The following LRRTM4 variants were observed in gnomAD, a reference collection of about 807,000 sequenced individuals.
LRRTM4 encodes leucine rich repeat transmembrane neuronal 4.
A neutral mutation model predicts 47.6 loss-of-function variants in LRRTM4; 25 were observed. The ratio of observed to expected loss-of-function variants is 0.53; its 90% CI spans 0.38 to 0.73. The LOEUF is 0.73. Ranked by LOEUF, LRRTM4 falls within the 30% of genes least tolerant of loss-of-function variation. The probability of loss-of-function intolerance (pLI) is 0.00; values close to 1 mark genes in which losing one functional copy is unlikely to be tolerated. For missense variants in LRRTM4, 638 were observed against 713.4 expected, an observed-to-expected ratio of 0.89 and a Z score of 1.20; for synonymous variants, 311 against 269.5, an observed-to-expected ratio of 1.15 and a Z score of -1.51.
chr2:76,907,297 G>A (rs1673878747), intron 3 of LRRTM4, among the ~76,000 whole-genome samples: 1 of 149,100 alleles, frequency 6.7e-6, no homozygotes, highest in Admixed American at 6.7e-5. Context: ...GAAACCACGA[G>A]AACAAAGACA....
intron 3 of LRRTM4, among the ~76,000 whole-genome samples, chr2:77,179,617 T>A (rs2103853558): frequency 6.6e-6 from 1 of 152,258 alleles, no homozygotes; most frequent in African/African-American, 2.4e-5. Flanking sequence ...CTGATTTATG[T>A]CAGATTTTAC....
intron 3 of LRRTM4, among the ~76,000 whole-genome samples, chr2:77,183,407 C>T (rs927637628): frequency 1.1e-4 from 16 of 151,986 alleles, no homozygotes; most frequent in Admixed American, 4.6e-4. Flanking sequence ...GTTAGAATGG[C>T]GATCATTAAA....
chr2:77,352,932 C>T (rs373992770), intron 3 of LRRTM4, among the ~76,000 whole-genome samples: 1 of 151,832 alleles, frequency 6.6e-6, no homozygotes, highest in East Asian at 1.9e-4. Flanking sequence ...ACATATTTGT[C>T]CTTATGAATA....
At chr2:76,862,640 C>T (rs113590761) in intron 3 of LRRTM4, among the ~76,000 whole-genome samples, 159 of 152,304 alleles carry the variant, frequency 1.0e-3, no homozygotes, top group African/African-American at 3.4e-3. Flanking sequence ...CGCGTGCGCG[C>T]GCACACACAC....
At chr2:77,238,656 C>T (rs1204188497) in intron 3 of LRRTM4, among the ~76,000 whole-genome samples, 3 of 151,946 alleles carry the variant, frequency 2.0e-5, no homozygotes, top group Admixed American at 6.6e-5. Context: ...ACATTGTATT[C>T]AAACTCCTTA....
chr2:77,165,824 G>A (rs1455772411), intron 3 of LRRTM4, among the ~76,000 whole-genome samples: 1 of 152,094 alleles, frequency 6.6e-6, no homozygotes, highest in Non-Finnish European at 1.5e-5. Context: ...AATAATAAGA[G>A]CTATTTATGA....
intron 3 of LRRTM4, among the ~76,000 whole-genome samples, chr2:76,904,188 C>T (rs369351504): frequency 2.2e-4 from 33 of 152,200 alleles, no homozygotes; most frequent in African/African-American, 6.5e-4. Context: ...GCTTGTTCTG[C>T]TCTATTACAA....
intron 3 of LRRTM4, among the ~76,000 whole-genome samples, chr2:77,449,977 A>G (rs76888561): frequency 0.036 from 5,472 of 152,264 alleles, 145 homozygotes; most frequent in Non-Finnish European, 0.041. Flanking sequence ...GACCAAGTCT[A>G]TAGTAATAAT....
intron 3 of LRRTM4, among the ~76,000 whole-genome samples, chr2:77,476,448 T>G (rs1196630548): frequency 6.6e-6 from 1 of 152,088 alleles, no homozygotes; most frequent in Non-Finnish European, 1.5e-5. Flanking sequence ...ATACATTGAT[T>G]TTTTTGTAAA....
chr2:77,283,256 C>A lies in LRRTM4; in HGVS notation c.1551+235062G>T, dbSNP rs369491600. 3.6e-4 allele frequency among the ~76,000 whole-genome samples: 54 copies of A among 152,078 alleles called. No homozygotes were observed. The South Asian group carries it at 0.011, about 31-fold the overall frequency. ...ATCATCACTAATCATCAGAGAAATG[C>A]AAACCAAAACCACAATGACATACCG... On this transcript the variant is annotated intron_variant, in intron 3 of 3. Coordinates refer to ENST00000409884, the MANE Select transcript of LRRTM4 (RefSeq NM_001134745.3).
chr2:77,028,361 G>T (rs1400881630), intron 3 of LRRTM4, among the ~76,000 whole-genome samples: 1 of 152,100 alleles, frequency 6.6e-6, no homozygotes, highest in African/African-American at 2.4e-5. Flanking sequence ...TTAATCAGAG[G>T]ATTTCCAGGA....
rs561242693 is a variant in LRRTM4 at position 76,958,090 on chromosome 2, G to T, written c.1552-209174C>A. ...ACATGAATCACATGGGAAAAAGGAG[G>T]TTTCATTTACTACAAAATTCCATGG... is the stretch of plus-strand genomic sequence containing the variant. On this transcript the variant is annotated intron_variant, in intron 3 of 3. Coordinates refer to ENST00000409884, the MANE Select transcript of LRRTM4 (RefSeq NM_001134745.3). 1.6e-4 allele frequency among the ~76,000 whole-genome samples: 25 copies of T among 151,730 alleles called. 1 individual carries two copies. In the South Asian group the frequency reaches 5.0e-3, roughly 30 times the overall value.
chr2:77,335,416 C>T (rs1297483162), intron 3 of LRRTM4, among the ~76,000 whole-genome samples: 1 of 152,132 alleles, frequency 6.6e-6, no homozygotes, highest in Admixed American at 6.6e-5. Flanking sequence ...TGACTCAGGA[C>T]TTTTGCACTT....
At chr2:77,169,684 A>C (rs1199664523) in intron 3 of LRRTM4, among the ~76,000 whole-genome samples, 1 of 152,154 alleles carries the variant, frequency 6.6e-6, no homozygotes, top group Non-Finnish European at 1.5e-5. Flanking sequence ...ATAAAATAAT[A>C]CATCAGCATG....
intron 3 of LRRTM4, among the ~76,000 whole-genome samples, chr2:77,167,123 C>T (rs1672908766): frequency 6.6e-6 from 1 of 151,800 alleles, no homozygotes; most frequent in South Asian, 2.1e-4. Context: ...AAAAACAACC[C>T]CATCAACAAG....
chr2:76,876,242 G>A (rs1418774281), intron 3 of LRRTM4, among the ~76,000 whole-genome samples: 1 of 152,046 alleles, frequency 6.6e-6, no homozygotes, highest in African/African-American at 2.4e-5. Flanking sequence ...TTTAAATAAT[G>A]TTCTTTTATA....
chr2:77,025,351 G>A (rs1335819633), intron 3 of LRRTM4, among the ~76,000 whole-genome samples: 3 of 152,050 alleles, frequency 2.0e-5, no homozygotes, highest in Non-Finnish European at 4.4e-5. Context: ...ATAGTACTAG[G>A]TCCTTCTATT....
At chr2:76,873,379 C>T (rs1289700457) in intron 3 of LRRTM4, among the ~76,000 whole-genome samples, 2 of 151,212 alleles carry the variant, frequency 1.3e-5, no homozygotes, top group African/African-American at 4.9e-5. Context: ...TATATACACA[C>T]ATTATATAAA....
intron 3 of LRRTM4, among the ~76,000 whole-genome samples, chr2:76,948,772 A>T (rs1204727752): frequency 6.6e-6 from 1 of 151,894 alleles, no homozygotes; most frequent in East Asian, 1.9e-4. Flanking sequence ...AATAGTTTTA[A>T]TCTTACTACA....
Sources: gnomAD v4.1 joint callset for allele counts (sites outside exome capture counted in the v4.1 genomes callset) on GRCh38, gnomAD v4.1.1 for gene constraint, MANE v1.5 for transcripts, NCBI Gene and HGNC (gene_info 2026-07-23, HGNC 2026-07-21) for gene names.